GNAT3: variants seen among roughly 807,000 people sequenced by gnomAD.
GNAT3 encodes the protein guanine nucleotide-binding protein G(t) subunit alpha-3.
Under a neutral mutation model 37.7 loss-of-function variants are expected in GNAT3, and 31 were observed. The ratio of observed to expected loss-of-function variants is 0.82; its 90% CI spans 0.62 to 1.11. The LOEUF is 1.11. Ranked by LOEUF, GNAT3 falls within the 50% of genes most tolerant of loss-of-function variation. The pLI is 0.00. For missense variants in GNAT3, 437 were observed against 412.5 expected, an observed-to-expected ratio of 1.06 and a Z score of -0.51; for synonymous variants, 138 against 139.8, an observed-to-expected ratio of 0.99 and a Z score of 0.09.
intron 4 of GNAT3, among the ~76,000 whole-genome samples, chr7:80,476,995 T>C (rs1031584773): frequency 6.6e-6 from 1 of 152,134 alleles, no homozygotes; most frequent in African/African-American, 2.4e-5. Context: ...TATTACAATA[T>C]GGGCAACATT....
At chr7:80,468,296 TATA>T (rs753020112) in intron 5 of GNAT3, among the ~76,000 whole-genome samples, 4 of 147,868 alleles carry the variant, frequency 2.7e-5, no homozygotes, top group African/African-American at 9.8e-5. Flanking sequence ...AATAGATTAT[TATA>T]ATATAATCTG....
chr7:80,494,731 T>G, intron 1 of GNAT3, 84 bp from the exon 2 acceptor site: 1 of 772,348 alleles, frequency 1.3e-6, no homozygotes, highest in Non-Finnish European at 2.1e-6. Context: ...ATGGATAATC[T>G]TTAATTTTTT....
chr7:80,493,485 T>G (rs1385545320), intron 2 of GNAT3, among the ~76,000 whole-genome samples: 1 of 152,226 alleles, frequency 6.6e-6, no homozygotes, highest in Non-Finnish European at 1.5e-5. Context: ...GAAACCAATT[T>G]CATTATTGAC....
At chr7:80,509,547 T>C (rs1261596835) in intron 1 of GNAT3, among the ~76,000 whole-genome samples, 1 of 152,104 alleles carries the variant, frequency 6.6e-6, no homozygotes, top group Non-Finnish European at 1.5e-5. Context: ...CTGGTACAAA[T>C]ATTGCTCTTT....
intron 3 of GNAT3, among the ~76,000 whole-genome samples, chr7:80,483,479 C>T (rs1043622559): frequency 2.6e-5 from 4 of 152,012 alleles, no homozygotes; most frequent in Admixed American, 6.6e-5. Flanking sequence ...CCAAACTGAT[C>T]GAACACTTAA....
At chr7:80,480,559 G>T (rs925371503) in intron 3 of GNAT3, among the ~76,000 whole-genome samples, 2 of 152,102 alleles carry the variant, frequency 1.3e-5, no homozygotes, top group African/African-American at 4.8e-5. Context: ...AGGAATAAAA[G>T]AATGGCTACT....
In GNAT3 at chr7:80,458,642, T is replaced by C; in HGVS notation, c.*29A>G. 3.8e-6 allele frequency: 5 copies of C among 1,321,274 alleles called. No individual in the cohort carries two copies. Among genetic ancestry groups the C allele is most frequent in the Non-Finnish European group, 5.2e-6 (5 of 967,368 alleles). The allele number at this position is 1,321,274 out of a possible 1,614,324, so 81.8% of individuals were successfully genotyped here. A position where few individuals can be genotyped will look rare whatever the true frequency, so the allele number is the denominator to read the frequency against. ...TCTTTTATATTTTGAAAAGCATACA[T>C]GAGCAAGAGTGGAAGAGAAAATAGT... On this transcript the variant is annotated 3_prime_UTR_variant, in exon 8 of 8. Coordinates refer to ENST00000398291, the MANE Select transcript of GNAT3 (RefSeq NM_001102386.3).
chr7:80,459,703 C>G (rs1790017182), intron 7 of GNAT3, among the ~76,000 whole-genome samples: 1 of 152,138 alleles, frequency 6.6e-6, no homozygotes, highest in East Asian at 1.9e-4. Flanking sequence ...GGACTTGACA[C>G]AGAATAGAGC....
intron 1 of GNAT3, 87 bp downstream of exon 1, chr7:80,511,722 C>A: frequency 1.3e-6 from 1 of 748,080 alleles, no homozygotes; most frequent in South Asian, 1.7e-5. Flanking sequence ...TATGATAATA[C>A]ACTCGAAATT....
rs113607617 is a variant in GNAT3 at position 80,473,669 on chromosome 7, T to C, written c.590+582A>G. ...TATAGTATGGGTTTCCATTTCTTGG[T>C]ATAGTAAATGAGTGATTTTGCAGTA... On this transcript the variant is annotated intron_variant, in intron 5 of 7. Coordinates refer to ENST00000398291, the MANE Select transcript of GNAT3 (RefSeq NM_001102386.3). 4.0e-3 allele frequency among the ~76,000 whole-genome samples: 616 copies of C among 152,286 alleles called. 3 individuals are homozygous for C. Among genetic ancestry groups the C allele is most frequent in the African/African-American group, 0.014 (576 of 41,566 alleles).
chr7:80,466,337 T>G (rs894282450), intron 5 of GNAT3, among the ~76,000 whole-genome samples: 1 of 152,164 alleles, frequency 6.6e-6, no homozygotes, highest in African/African-American at 2.4e-5. Flanking sequence ...TATGCCATTT[T>G]CTTTCATTCC....
At chr7:80,464,959 A>G (rs893334605) in intron 5 of GNAT3, among the ~76,000 whole-genome samples, 1 of 152,104 alleles carries the variant, frequency 6.6e-6, no homozygotes, top group Non-Finnish European at 1.5e-5. Flanking sequence ...AGAATATTAT[A>G]TGTGCTACTA....
chr7:80,511,838 T>G lies in GNAT3; in HGVS notation c.89A>C (p.Asp30Ala), dbSNP rs372150618. Residue 30 changes from aspartate to alanine, a missense_variant, in exon 1 of 8, where the codon GAT becomes GCT. Physicochemically the swap from Asp to Ala is moderately radical, Grantham distance 126 (BLOSUM62 -2). Coordinates refer to ENST00000398291, the MANE Select transcript of GNAT3 (RefSeq NM_001102386.3). ...EKKLQEDAER[D>A]ARTVKLLLLG... is the part of the protein sequence containing the mutation. ...TAGTAGCAGCTTTACGGTTCTTGCA[T>G]CTCGCTCAGCATCCTCCTGAAGCTT... is the stretch of plus-strand genomic sequence containing the variant. 1.5e-5 allele frequency: 24 copies of G among 1,611,708 alleles called. No individual in the cohort carries two copies. Among genetic ancestry groups the G allele is most frequent in the Non-Finnish European group, 1.8e-5 (21 of 1,178,572 alleles).
At chr7:80,494,731 T>C (rs1790683046) in intron 1 of GNAT3, 84 bp from the exon 2 acceptor site, 1 of 772,290 alleles carries the variant, frequency 1.3e-6, no homozygotes, top group Non-Finnish European at 2.1e-6. Flanking sequence ...ATGGATAATC[T>C]TTAATTTTTT....
At chr7:80,458,900 A>G (rs761077999) in intron 7 of GNAT3, 39 bp from the exon 8 acceptor site, 4 of 1,327,620 alleles carry the variant, frequency 3.0e-6, no homozygotes, top group African/African-American at 1.5e-5. Context: ...AAGATTAATC[A>G]TATGTTACAA....
intron 1 of GNAT3, among the ~76,000 whole-genome samples, chr7:80,505,063 C>G (rs1319232432): frequency 1.3e-5 from 2 of 152,132 alleles, no homozygotes; most frequent in Admixed American, 1.3e-4. Context: ...AGGGTTAGAT[C>G]AGCACTAAGA....
At chr7:80,506,874 T>C (rs1790955684) in intron 1 of GNAT3, among the ~76,000 whole-genome samples, 1 of 152,132 alleles carries the variant, frequency 6.6e-6, no homozygotes, top group Non-Finnish European at 1.5e-5. Context: ...ATTTTTGTGG[T>C]GAGAACACTT....
chr7:80,479,530 G>A (rs1424569202), intron 3 of GNAT3, among the ~76,000 whole-genome samples: 1 of 151,648 alleles, frequency 6.6e-6, no homozygotes, highest in Non-Finnish European at 1.5e-5. Context: ...GACCAGCCTG[G>A]GCAACATGGC....
intron 4 of GNAT3, among the ~76,000 whole-genome samples, chr7:80,478,116 A>G (rs7780776): frequency 0.27 from 40,903 of 152,160 alleles, 9,918 homozygotes; most frequent in African/African-American, 0.66. Flanking sequence ...TTGCCATGTA[A>G]CCCAGGCTGG....
Sources: gnomAD v4.1 joint callset for allele counts (sites outside exome capture counted in the v4.1 genomes callset) on GRCh38, gnomAD v4.1.1 for gene constraint, MANE v1.5 for transcripts, NCBI Gene and HGNC (gene_info 2026-07-23, HGNC 2026-07-21) for gene names.